The following TNS3 variants were observed in gnomAD, a reference collection of about 807,000 sequenced individuals.
TNS3 encodes the protein tensin-3.
In TNS3, 45 loss-of-function variants were observed where a neutral mutation model predicts 140.9. The ratio of observed to expected loss-of-function variants is 0.32; its 90% confidence interval spans 0.25 to 0.41. The LOEUF (loss-of-function observed/expected upper bound fraction) is 0.41. Ranked by LOEUF, TNS3 falls within the 10% of genes least tolerant of loss-of-function variation. The probability of loss-of-function intolerance (pLI) is 1.00; values close to 1 mark genes in which losing one functional copy is unlikely to be tolerated. For synonymous variants in TNS3, 815 were observed against 788.4 expected, an observed-to-expected ratio of 1.03 and a Z score of -0.56; for missense variants, 1,716 against 1,906.7, an observed-to-expected ratio of 0.90 and a Z score of 1.86.
At chr7:47,558,560 T>C (rs1007521740) in intron 1 of TNS3, among the ~76,000 whole-genome samples, 1 of 152,120 alleles carries the variant, frequency 6.6e-6, no homozygotes, top group African/African-American at 2.4e-5. Context: ...TTCTAAGGAC[T>C]TGGGGTTCAG....
chr7:47,459,975 C>T (rs1357996284), intron 4 of TNS3, among the ~76,000 whole-genome samples: 2 of 152,028 alleles, frequency 1.3e-5, no homozygotes, highest in African/African-American at 4.8e-5. Flanking sequence ...TAGGGTGGCC[C>T]TAATCCAGTA....
chr7:47,526,259 A>C (rs377233763), intron 2 of TNS3, among the ~76,000 whole-genome samples: 8,633 of 152,298 alleles, frequency 0.057, 356 homozygotes, highest in Non-Finnish European at 0.088. Flanking sequence ...AAGCAGTATA[A>C]CCAACCTAGT....
chr7:47,318,573 A>G (rs939034867), intron 20 of TNS3, among the ~76,000 whole-genome samples: 16 of 152,204 alleles, frequency 1.1e-4, no homozygotes, highest in Non-Finnish European at 7.3e-5. Flanking sequence ...AGAAAAGAAA[A>G]GAGCCATCTG....
intron 20 of TNS3, among the ~76,000 whole-genome samples, chr7:47,323,825 T>G (rs1787883589): frequency 6.6e-6 from 1 of 152,136 alleles, no homozygotes; most frequent in Non-Finnish European, 1.5e-5. Context: ...GGGAGGGATA[T>G]ACTCAAAAAT....
At chr7:47,562,502 G>A (rs549548510) in intron 1 of TNS3, among the ~76,000 whole-genome samples, 18 of 151,338 alleles carry the variant, frequency 1.2e-4, no homozygotes, top group South Asian at 2.1e-4. Flanking sequence ...TTCTCCTGTC[G>A]CAGCCTCCCA....
rs183749397 is a variant in TNS3, at chr7:47,310,436, C to T, written c.2651-5433G>A. Among the ~76,000 whole-genome samples the T allele has an allele frequency of 1.3e-3, 192 of 152,276 alleles. 1 individual carries two copies. Among genetic ancestry groups the T allele is most frequent in the African/African-American group, 4.3e-3 (180 of 41,560 alleles). On this transcript the variant is annotated intron_variant, in intron 20 of 30. Coordinates refer to ENST00000311160, the MANE Select transcript of TNS3 (RefSeq NM_022748.12). ...AGAAACAAGAGGACCATGACAGGAT[C>T]TGATTAGGCAGCCTGGAAGAAAAAT...
chr7:47,320,594 A>G (rs1787679420), intron 20 of TNS3, among the ~76,000 whole-genome samples: 1 of 152,158 alleles, frequency 6.6e-6, no homozygotes, highest in South Asian at 2.1e-4. Flanking sequence ...GTGTCCTCAC[A>G]TGGTCTTCCC....
rs143296894 is a variant in TNS3 at position 47,352,391 on chromosome 7, C to T, written c.2282-6035G>A. Among the ~76,000 whole-genome samples, 599 of 152,344 alleles carry T rather than the reference C, an allele frequency of 3.9e-3. 4 individuals carry two copies. The highest frequency in any genetic ancestry group is 0.013 in the African/African-American group (521 of 41,578). On this transcript the variant is annotated intron_variant, in intron 17 of 30. Transcript: ENST00000311160. ...ACTCACACTCACGCACAGTCTCACA[C>T]GCTCACTCACACCCACCCTGTGCTC...
intron 1 of TNS3, among the ~76,000 whole-genome samples, chr7:47,565,394 G>T (rs116041694): frequency 2.1e-5 from 3 of 145,896 alleles, no homozygotes; most frequent in Non-Finnish European, 3.0e-5. Flanking sequence ...GGAGACAGAG[G>T]CTCACTCTTT....
intron 1 of TNS3, among the ~76,000 whole-genome samples, chr7:47,548,285 T>C (rs542630675): frequency 6.6e-6 from 1 of 152,300 alleles, no homozygotes; most frequent in Admixed American, 6.5e-5. Flanking sequence ...ATCCCATCTT[T>C]GAAAACACAA....
chr7:47,528,530 C>T (rs1323766494), intron 2 of TNS3, among the ~76,000 whole-genome samples: 1 of 152,154 alleles, frequency 6.6e-6, no homozygotes, highest in East Asian at 1.9e-4. Context: ...TACAGTCACA[C>T]CTCTCTTACT....
At chr7:47,386,488 C>T (rs972452913) in intron 16 of TNS3, among the ~76,000 whole-genome samples, 6 of 152,254 alleles carry the variant, frequency 3.9e-5, no homozygotes, top group African/African-American at 1.4e-4. Context: ...ACCTTGGCTC[C>T]CTCTCTGTGA....
At chr7:47,560,111 C>T (rs567648581) in intron 1 of TNS3, among the ~76,000 whole-genome samples, 1 of 152,108 alleles carries the variant, frequency 6.6e-6, no homozygotes, top group African/African-American at 2.4e-5. Flanking sequence ...ATGTCTGTGA[C>T]CCGCCCCCCT....
chr7:47,332,504 A>C (rs924946330), intron 20 of TNS3, among the ~76,000 whole-genome samples: 2 of 152,204 alleles, frequency 1.3e-5, no homozygotes, highest in Non-Finnish European at 2.9e-5. Flanking sequence ...CACCAGCCAC[A>C]GGCTGCTTCA....
In TNS3 at chr7:47,530,838, A is replaced by AAAAAAT; in HGVS notation, c.-264-1692_-264-1691insATTTTT. ...AACTCCATCTCAAAAAAAAAAAAAA[A>AAAAAAT]ATATATATATATATATATATTTCTA... is the stretch of plus-strand genomic sequence containing the variant. On this transcript the variant is annotated intron_variant, in intron 1 of 30. Transcript: ENST00000311160. 6.2e-4 allele frequency among the ~76,000 whole-genome samples: 34 copies of AAAAAAT among 54,562 alleles called. 1 individual carries two copies. Among genetic ancestry groups the AAAAAAT allele is most frequent in the African/African-American group, 2.6e-3 (33 of 12,668 alleles). 35.8% of individuals were successfully genotyped at this position (54,562 alleles called of 152,430 possible).
chr7:47,445,068 A>G (rs887239218), intron 4 of TNS3, among the ~76,000 whole-genome samples: 2 of 152,176 alleles, frequency 1.3e-5, no homozygotes, highest in Non-Finnish European at 2.9e-5. Context: ...GTCCCCCAAC[A>G]TACCCAATTT....
intron 1 of TNS3, among the ~76,000 whole-genome samples, chr7:47,571,529 A>G (rs12668700): frequency 0.96 from 145,465 of 152,070 alleles, 69,806 homozygotes; most frequent in South Asian, 1. Flanking sequence ...ACAAGAGGCG[A>G]AACCGTGCAG....
At chr7:47,315,249 T>A (rs1440425596) in intron 20 of TNS3, among the ~76,000 whole-genome samples, 1 of 152,226 alleles carries the variant, frequency 6.6e-6, no homozygotes, top group Non-Finnish European at 1.5e-5. Context: ...ATACCGTTAG[T>A]GTGTGGAAAC....
intron 20 of TNS3, among the ~76,000 whole-genome samples, chr7:47,318,454 C>T (rs1417407810): frequency 6.6e-6 from 1 of 152,160 alleles, no homozygotes; most frequent in African/African-American, 2.4e-5. Flanking sequence ...GACTCAGTGA[C>T]ACAATGTCCT....
Sources: gnomAD v4.1 joint callset for allele counts (sites outside exome capture counted in the v4.1 genomes callset) on GRCh38, gnomAD v4.1.1 for gene constraint, MANE v1.5 for transcripts, NCBI Gene and HGNC (gene_info 2026-07-23, HGNC 2026-07-21) for gene names.